The following SORBS2 variants were observed in gnomAD, a reference collection of about 807,000 sequenced individuals.
SORBS2 encodes sorbin and SH3 domain containing 2.
In SORBS2, 46 loss-of-function variants were observed where a neutral mutation model predicts 97.7. The ratio of observed to expected loss-of-function variants is 0.47; its 90% CI spans 0.37 to 0.60. The LOEUF (loss-of-function observed/expected upper bound fraction) is 0.60, where lower values mean the gene tolerates loss of function less well. Among genes scored for constraint, SORBS2 ranks in the 20% least tolerant of loss-of-function variants. The probability of loss-of-function intolerance (pLI) is 0.00; values close to 1 mark genes in which losing one functional copy is unlikely to be tolerated. For synonymous variants in SORBS2, 476 were observed against 473.4 expected, an observed-to-expected ratio of 1.01 and a Z score of -0.07; for missense variants, 1,316 against 1,282.3, an observed-to-expected ratio of 1.03 and a Z score of -0.40.
At chr4:185,651,351 G>T (rs2097311281) in intron 2 of SORBS2, among the ~76,000 whole-genome samples, 1 of 152,230 alleles carries the variant, frequency 6.6e-6, no homozygotes, top group African/African-American at 2.4e-5. Context: ...TCAATGAATG[G>T]TTGCATTTTG....
intron 1 of SORBS2, among the ~76,000 whole-genome samples, chr4:185,897,914 G>A (rs1023165452): frequency 6.6e-6 from 1 of 152,154 alleles, no homozygotes; most frequent in Admixed American, 6.5e-5. Flanking sequence ...GCAGGTGCCT[G>A]TAATCCCAGC....
At chr4:185,941,887 G>A (rs2099272164) in intron 1 of SORBS2, among the ~76,000 whole-genome samples, 1 of 152,082 alleles carries the variant, frequency 6.6e-6, no homozygotes, top group South Asian at 2.1e-4. Flanking sequence ...AGGCCAAGGT[G>A]GGCAGTTTGT....
At position 185,854,290 on chromosome 4, in the gene SORBS2, T is replaced by A. The variant is rs183336434; in HGVS notation, c.-337-78924A>T. Among the ~76,000 whole-genome samples, 277 of 152,198 alleles carry A rather than the reference T, an allele frequency of 1.8e-3. 1 individual carries two copies. Among genetic ancestry groups the A allele is most frequent in the African/African-American group, 6.5e-3 (269 of 41,488 alleles). ...TAAGCTTGGCTACGAAATGCAGTGG[T>A]CCCATTTGAACTAAAATCTAACTCT... is the stretch of plus-strand genomic sequence containing the variant. On this transcript the variant is annotated intron_variant, in intron 1 of 20. Transcript: ENST00000284776.
intron 1 of SORBS2, among the ~76,000 whole-genome samples, chr4:185,867,854 C>T (rs995223740): frequency 1.3e-5 from 2 of 152,058 alleles, no homozygotes; most frequent in African/African-American, 2.4e-5. Flanking sequence ...ACCTACACCT[C>T]GAGGGGGCAC....
chr4:185,591,621 G>T (rs967956718), intron 13 of SORBS2, among the ~76,000 whole-genome samples: 5 of 152,122 alleles, frequency 3.3e-5, no homozygotes, highest in Admixed American at 1.3e-4. Context: ...TCACATTTGA[G>T]AGAGATGGTG....
chr4:185,842,928 T>C (rs1287774218), intron 1 of SORBS2, among the ~76,000 whole-genome samples: 3 of 39,040 alleles, frequency 7.7e-5, no homozygotes, highest in Non-Finnish European at 1.6e-4. Context: ...AGAAAGACTG[T>C]CTAAAAAAAA....
chr4:185,791,304 T>C (rs769052644), intron 1 of SORBS2, among the ~76,000 whole-genome samples: 14 of 152,206 alleles, frequency 9.2e-5, no homozygotes, highest in Non-Finnish European at 1.6e-4. Context: ...CTTCATATGA[T>C]CTTGTTTTGT....
Position 185,690,617 on chromosome 4 carries a change from G to A in SORBS2, c.-197-11795C>T. ...TATTAAAGTCTTCAGTTTTCCTGTA[G>A]GAAAAAAATGGTGCATAATTGTTCA... On this transcript the variant is annotated intron_variant, in intron 2 of 20. Coordinates refer to the SORBS2 transcript ENST00000284776. 1 of 1,335,184 alleles carries A rather than the reference G, an allele frequency of 7.5e-7. No individual in the cohort carries two copies. Among genetic ancestry groups the A allele is most frequent in the Admixed American group, 2.2e-5 (1 of 46,148 alleles). The allele number at this position is 1,335,184 out of a possible 1,614,324, so 82.7% of individuals were successfully genotyped here. A position where few individuals can be genotyped will look rare whatever the true frequency, so the allele number is the denominator to read the frequency against.
intron 1 of SORBS2, among the ~76,000 whole-genome samples, chr4:185,834,760 T>C (rs1053279551): frequency 6.6e-6 from 1 of 152,214 alleles, no homozygotes; most frequent in Admixed American, 6.5e-5. Flanking sequence ...GATTTGTACA[T>C]AATAAAAAAT....
intron 6 of SORBS2, among the ~76,000 whole-genome samples, chr4:185,625,602 C>T (rs1389529514): frequency 6.6e-6 from 1 of 152,156 alleles, no homozygotes; most frequent in Non-Finnish European, 1.5e-5. Context: ...TGGCTAGTAT[C>T]CAAGAATAAT....
At chr4:185,635,713 G>A (rs1422557548) in intron 4 of SORBS2, among the ~76,000 whole-genome samples, 2 of 152,174 alleles carry the variant, frequency 1.3e-5, no homozygotes, top group Admixed American at 1.3e-4. Flanking sequence ...GGAATGCAAG[G>A]TAAATTAAAG....
intron 1 of SORBS2, among the ~76,000 whole-genome samples, chr4:185,879,247 C>T (rs2099235617): frequency 6.8e-6 from 1 of 146,786 alleles, no homozygotes; most frequent in Non-Finnish European, 1.5e-5. Flanking sequence ...TCAATTCCCA[C>T]CTATGAGTGA....
rs190507847 is a variant in SORBS2 at position 185,767,685 on chromosome 4, G to A, written c.-198+7542C>T. Among the ~76,000 whole-genome samples the A allele has an allele frequency of 1.3e-3, 194 of 152,114 alleles. 1 individual carries two copies. Among genetic ancestry groups the A allele is most frequent in the African/African-American group, 4.3e-3 (180 of 41,498 alleles). On this transcript the variant is annotated intron_variant, in intron 2 of 20. Coordinates refer to the SORBS2 transcript ENST00000284776. Reference sequence around the variant, plus strand: ...TACACAGGGCAGTACTGACTGCCCCGAGGCCTCGGTCTCTGCACCAATTGG... The same window carrying A: ...TACACAGGGCAGTACTGACTGCCCCAAGGCCTCGGTCTCTGCACCAATTGG...
chr4:185,879,430 T>C (rs1352728286), intron 1 of SORBS2, among the ~76,000 whole-genome samples: 9 of 152,236 alleles, frequency 5.9e-5, no homozygotes, highest in Non-Finnish European at 1.3e-4. Context: ...TGATGGACAT[T>C]CGGGTTGGTT....
chr4:185,613,499 T>A (rs1053041106), intron 11 of SORBS2, among the ~76,000 whole-genome samples: 5 of 143,488 alleles, frequency 3.5e-5, no homozygotes, highest in African/African-American at 1.1e-4. Context: ...AATACAAAAA[T>A]TAGCCGGGTG....
intron 1 of SORBS2, among the ~76,000 whole-genome samples, chr4:185,779,342 A>C (rs1421346591): frequency 6.6e-6 from 1 of 152,154 alleles, no homozygotes; most frequent in Non-Finnish European, 1.5e-5. Flanking sequence ...GTGAGGGTGA[A>C]AATTGTTATT....
rs1176319492 is a variant in SORBS2 at position 185,672,659 on chromosome 4, G to C, written c.-46+5764C>G. Reference sequence around the variant, plus strand: ...CCTGTAGTTTTCTTCTTAAATTAATGAGCAGACATTAATAATAACAAAACT... The same window carrying C: ...CCTGTAGTTTTCTTCTTAAATTAATCAGCAGACATTAATAATAACAAAACT... On this transcript the variant is annotated intron_variant, in intron 4 of 20. Transcript: ENST00000284776. Among the ~76,000 whole-genome samples, 6 of 152,302 alleles carry C rather than the reference G, an allele frequency of 3.9e-5. No individual in the cohort carries two copies. In the South Asian group the frequency reaches 1.2e-3, roughly 32 times the overall value.
At chr4:185,650,439 C>T (rs1047265688) in intron 2 of SORBS2, among the ~76,000 whole-genome samples, 2 of 152,122 alleles carry the variant, frequency 1.3e-5, no homozygotes, top group South Asian at 2.1e-4. Flanking sequence ...ATGGCTTGCA[C>T]GGTTAGTAGA....
At position 185,639,050 on chromosome 4, in the gene SORBS2, G is replaced by A. The variant is rs2097081755; in HGVS notation, c.396+7618C>T. The A allele has an allele frequency of 6.6e-7, 1 of 1,511,664 alleles. No homozygotes were observed. Among genetic ancestry groups the A allele is most frequent in the African/African-American group, 1.4e-5 (1 of 69,856 alleles). 93.6% of individuals were successfully genotyped at this position (1,511,664 alleles called of 1,614,324 possible). A position where few individuals can be genotyped will look rare whatever the true frequency, so the allele number is the denominator to read the frequency against. On this transcript the variant is annotated intron_variant, in intron 4 of 14. Transcript: ENST00000418609. ...GGGAGAGGGGGCTGCAAGAAAGAGG[G>A]GTGCAGAAACTGGTTCATTAGATGG...
Sources: gnomAD v4.1 joint callset for allele counts (sites outside exome capture counted in the v4.1 genomes callset) on GRCh38, gnomAD v4.1.1 for gene constraint, MANE v1.5 for transcripts, NCBI Gene and HGNC (gene_info 2026-07-23, HGNC 2026-07-21) for gene names.